The following TSPAN11 variants were observed in gnomAD, a reference collection of about 807,000 sequenced individuals.
TSPAN11 encodes the protein tetraspanin-11.
A neutral mutation model predicts 32.9 loss-of-function variants in TSPAN11; 29 were observed. That is an observed-to-expected ratio of 0.88 (90% CI 0.66 to 1.20). TSPAN11 has a LOEUF of 1.20. Ranked by LOEUF, TSPAN11 falls within the 50% of genes most tolerant of loss-of-function variation. The probability of loss-of-function intolerance (pLI) is 0.00; values close to 1 mark genes in which losing one functional copy is unlikely to be tolerated. For missense variants in TSPAN11, 283 were observed against 329.1 expected, an observed-to-expected ratio of 0.86 and a Z score of 1.08; for synonymous variants, 140 against 141.3, an observed-to-expected ratio of 0.99 and a Z score of 0.07.
intron 3 of TSPAN11, among the ~76,000 whole-genome samples, chr12:30,965,626 G>C (rs1213962007): frequency 6.6e-6 from 1 of 152,150 alleles, no homozygotes; most frequent in Non-Finnish European, 1.5e-5. Context: ...CCTCACTACA[G>C]CAACCTGCAA....
At chr12:30,928,649 G>A (rs555804260) in intron 1 of TSPAN11, among the ~76,000 whole-genome samples, 4 of 152,316 alleles carry the variant, frequency 2.6e-5, no homozygotes, top group East Asian at 3.9e-4. Context: ...GTCAGGTCCC[G>A]GCTCAGCTCC....
intron 1 of TSPAN11, chr12:30,927,055 A>C (rs1937813186): frequency 2.4e-6 from 3 of 1,270,536 alleles, no homozygotes; most frequent in South Asian, 1.3e-5. Flanking sequence ...AACTATGCGC[A>C]TGAGTCTGCC....
At chr12:30,953,330 C>G (rs1938418252) in intron 1 of TSPAN11, among the ~76,000 whole-genome samples, 1 of 152,176 alleles carries the variant, frequency 6.6e-6, no homozygotes, top group South Asian at 2.1e-4. Flanking sequence ...GATGGGAGGT[C>G]ATGTAACTTG....
At chr12:30,949,420 TCATGGTGGGAGGCAAAAGGCACTTCTTA>T (rs1435158735) in intron 1 of TSPAN11, among the ~76,000 whole-genome samples, 29 of 152,218 alleles carry the variant, frequency 1.9e-4, no homozygotes, top group Middle Eastern at 3.4e-3. Flanking sequence ...GGCCTCAGAA[TCATGGTGGGAGGCAAAAGGCACTTCTTA>T]CATGGTGGCA....
chr12:30,978,957 G>T, intron 4 of TSPAN11: 2 of 359,866 alleles, frequency 5.6e-6, no homozygotes, highest in Non-Finnish European at 1.0e-5. Flanking sequence ...AAGAAGAAAG[G>T]CCTGGGCCAG....
chr12:30,948,161 C>T (rs545001101), intron 1 of TSPAN11, among the ~76,000 whole-genome samples: 88 of 152,344 alleles, frequency 5.8e-4, no homozygotes, highest in Non-Finnish European at 1.2e-4. Context: ...CAGCTCTGCT[C>T]CTATGGCTTT....
At chr12:30,945,698 G>A (rs541770766) in intron 1 of TSPAN11, among the ~76,000 whole-genome samples, 3 of 152,116 alleles carry the variant, frequency 2.0e-5, no homozygotes, top group East Asian at 3.9e-4. Context: ...GGATGCAGCC[G>A]AAGACACAAT....
intron 1 of TSPAN11, among the ~76,000 whole-genome samples, chr12:30,934,393 C>G (rs981140721): frequency 6.6e-6 from 1 of 152,232 alleles, no homozygotes; most frequent in African/African-American, 2.4e-5. Context: ...CGTCTTAGTC[C>G]ATTCTCACGC....
rs1339504173 is a variant in TSPAN11, at chr12:30,975,535, G to T, written c.277-3026G>T. On this transcript the variant is annotated intron_variant, in intron 3 of 7. Coordinates refer to ENST00000546076, the MANE Select transcript of TSPAN11 (RefSeq NM_001370302.1). This position sits in a 1 kb window ranked among gnomAD's most constrained non-coding sequence, Gnocchi z 4.5. ...TCCCCTCCTCCTGACCACTCCGCAG[G>T]TCAGATAGCCTGTTTGATGCCTCTG... Among the ~76,000 whole-genome samples the T allele has an allele frequency of 6.6e-6, 1 of 152,076 alleles. No homozygotes were observed. Among genetic ancestry groups the T allele is most frequent in the Admixed American group, 6.5e-5 (1 of 15,268 alleles).
At chr12:30,958,026 C>T (rs915091643) in intron 2 of TSPAN11, among the ~76,000 whole-genome samples, 2 of 151,824 alleles carry the variant, frequency 1.3e-5, no homozygotes, top group Non-Finnish European at 2.9e-5. Flanking sequence ...CGTGCAAGAC[C>T]TGGAGTTGGT....
At chr12:31,016,075 G>A in the TSPAN11 span, among the ~76,000 whole-genome samples, 36 of 152,308 alleles carry the variant, frequency 2.4e-4, no homozygotes, top group East Asian at 4.8e-3. Context: ...CCAGGAGTTC[G>A]TGACCAGCCT....
At chr12:30,972,527 G>A (rs984147232) in intron 3 of TSPAN11, among the ~76,000 whole-genome samples, 3 of 152,140 alleles carry the variant, frequency 2.0e-5, no homozygotes, top group African/African-American at 7.2e-5. Flanking sequence ...CAGGCAGGAG[G>A]AACAGCGAGA....
At chr12:30,940,297 A>G (rs1395418981) in intron 1 of TSPAN11, among the ~76,000 whole-genome samples, 2 of 152,212 alleles carry the variant, frequency 1.3e-5, no homozygotes, top group Non-Finnish European at 2.9e-5. Context: ...ATGGCTCCTT[A>G]ATGCATTCCT....
intron 1 of TSPAN11, among the ~76,000 whole-genome samples, chr12:30,945,085 G>GC (rs747400658): frequency 3.0e-4 from 46 of 152,154 alleles, no homozygotes; most frequent in Non-Finnish European, 5.7e-4. Context: ...TGCTCACACT[G>GC]CCCCATCTGA....
At chr12:30,964,321 T>TG (rs1938683141) in intron 3 of TSPAN11, among the ~76,000 whole-genome samples, 1 of 151,872 alleles carries the variant, frequency 6.6e-6, no homozygotes, top group Admixed American at 6.6e-5. Context: ...CTATTCTTCC[T>TG]GGTCCTCTCC....
chr12:30,982,963 T>G, intron 6 of TSPAN11, 101 bp from the exon 7 acceptor site: 1 of 1,333,526 alleles, frequency 7.5e-7, no homozygotes, highest in Non-Finnish European at 1.1e-6. Context: ...CTGTGAGTCC[T>G]CTGGCCAGTC....
chr12:30,953,944 G>A (rs778455083), intron 1 of TSPAN11, 37 bp from the exon 2 acceptor site: 1 of 1,518,066 alleles, frequency 6.6e-7, no homozygotes, highest in Non-Finnish European at 9.1e-7. Flanking sequence ...GTGGTTCTCG[G>A]TGATTCCCCG....
At position 30,982,613 on chromosome 12, in the gene TSPAN11, G is replaced by A. The variant is rs1412557329; in HGVS notation, c.538G>A (p.Val180Met). The A allele has an allele frequency of 2.5e-6, 4 of 1,612,568 alleles. No individual in the cohort carries two copies. Among genetic ancestry groups the A allele is most frequent in the Non-Finnish European group, 3.4e-6 (4 of 1,179,714 alleles). ...GTTGCGGGAGGCCGAGGGCCGCCAG[G>A]TGCCCGACAGCTGCTGCAAGACAGT... ...ILLREAEGRQ[V>M]PDSCCKTVVV... Residue 180 changes from valine to methionine, a missense_variant, in exon 6 of 8, where the codon GTG (valine) becomes ATG (methionine). Transcript: ENST00000546076.
chr12:30,936,648 C>T (rs181776738), intron 1 of TSPAN11, among the ~76,000 whole-genome samples: 129 of 152,240 alleles, frequency 8.5e-4, no homozygotes, highest in African/African-American at 3.1e-3. Flanking sequence ...AAGGAGTGAG[C>T]ACTGCATAGG....
Sources: gnomAD v4.1 joint callset for allele counts (sites outside exome capture counted in the v4.1 genomes callset) on GRCh38, gnomAD v4.1.1 for gene constraint, Gnocchi (gnomAD v3.1) non-coding constraint, MANE v1.5 for transcripts, NCBI Gene and HGNC (gene_info 2026-07-23, HGNC 2026-07-21) for gene names.